The following UBA3 variants were observed in gnomAD, a reference collection of about 807,000 sequenced individuals.
The protein encoded by UBA3 is NEDD8-activating enzyme E1 catalytic subunit.
Under a neutral mutation model 73.5 loss-of-function variants are expected in UBA3, and 26 were observed. The ratio of observed to expected loss-of-function variants is 0.35; its 90% CI spans 0.26 to 0.49. UBA3 has a LOEUF of 0.49. UBA3 is among the 20% of genes least tolerant of loss of function. The pLI is 0.98. For missense variants in UBA3, 495 were observed against 555.6 expected (o/e 0.89, Z 1.10); for synonymous variants, 217 against 191.2 (o/e 1.13, Z -1.11).
At chr3:69,078,229 G>C (rs1271493694) in intron 2 of UBA3, among the ~76,000 whole-genome samples, 1 of 152,074 alleles carries the variant, frequency 6.6e-6, no homozygotes, top group East Asian at 1.9e-4. Context: ...GTGAGAAATT[G>C]ACTTCTCTAC....
intron 6 of UBA3, among the ~76,000 whole-genome samples, chr3:69,065,900 G>T (rs1038502234): frequency 1.3e-5 from 2 of 150,606 alleles, no homozygotes; most frequent in Non-Finnish European, 3.0e-5. Flanking sequence ...TGTGCTTTTC[G>T]TCATCCTTTT....
At chr3:69,063,565 A>G in intron 7 of UBA3, 62 bp from the exon 8 acceptor site, 2 of 1,324,628 alleles carry the variant, frequency 1.5e-6, no homozygotes, top group Admixed American at 5.4e-5. Flanking sequence ...TGATCTTTCA[A>G]TGTAGATTCA....
At chr3:69,077,115 T>A (rs571074699) in intron 3 of UBA3, among the ~76,000 whole-genome samples, 14 of 151,888 alleles carry the variant, frequency 9.2e-5, no homozygotes, top group African/African-American at 2.6e-4. Context: ...TTCTTTTTTT[T>A]TTTTTTATTT....
At chr3:69,060,299 A>C (rs2092011215) in intron 11 of UBA3, among the ~76,000 whole-genome samples, 1 of 152,144 alleles carries the variant, frequency 6.6e-6, no homozygotes, top group South Asian at 2.1e-4. Flanking sequence ...ACAAAAAAAA[A>C]AAGACACTCC....
At chr3:69,071,657 T>C (rs760649684) in intron 4 of UBA3, 40 bp from the exon 5 acceptor site, 2 of 1,297,294 alleles carry the variant, frequency 1.5e-6, no homozygotes, top group African/African-American at 1.5e-5. Context: ...AGAAGTTTCC[T>C]CACATTTAAA....
intron 2 of UBA3, among the ~76,000 whole-genome samples, chr3:69,078,299 G>C (rs1274361449): frequency 6.6e-6 from 1 of 152,056 alleles, no homozygotes; most frequent in Non-Finnish European, 1.5e-5. Context: ...CATCACACTT[G>C]CATTAGGAAA....
At chr3:69,057,795 G>A (rs1448636946) in intron 11 of UBA3, among the ~76,000 whole-genome samples, 1 of 151,776 alleles carries the variant, frequency 6.6e-6, no homozygotes, top group African/African-American at 2.4e-5. Flanking sequence ...AATTATTCCT[G>A]TAACAGCTTC....
At chr3:69,080,049 A>G in intron 2 of UBA3, 63 bp downstream of exon 2, 2 of 1,503,170 alleles carry the variant, frequency 1.3e-6, no homozygotes, top group Admixed American at 3.6e-5. Context: ...CTGGTCCCCT[A>G]GGCCTGGGGT....
At chr3:69,065,153 C>G (rs1277210553) in intron 6 of UBA3, among the ~76,000 whole-genome samples, 1 of 152,132 alleles carries the variant, frequency 6.6e-6, no homozygotes, top group African/African-American at 2.4e-5. Flanking sequence ...ACTAAGAAAT[C>G]TAATCTGGAT....
rs539744043 is a variant in UBA3, at chr3:69,061,933, T to TAA, written c.797-8_797-7dup. On this transcript the variant is annotated splice_region_variant and splice_polypyrimidine_tract_variant and intron_variant, in intron 10 of 17. Transcript: ENST00000361055. ...TCCATCTAATGGAACCCCTTCTGTT[T>TAA]AAAAAAAAAAAGGGAGAGAGAGAGA... The TAA allele has an allele frequency of 1.3e-4, 165 of 1,285,150 alleles. No homozygotes were observed. Among genetic ancestry groups the TAA allele is most frequent in the Admixed American group, 3.9e-4 (16 of 41,058 alleles). The allele number at this position is 1,285,150 out of a possible 1,614,324, so 79.6% of individuals were successfully genotyped here. A position where few individuals can be genotyped will look rare whatever the true frequency, so the allele number is the denominator to read the frequency against.
chr3:69,066,469 A>T (rs1462130646), intron 6 of UBA3, among the ~76,000 whole-genome samples: 1 of 150,222 alleles, frequency 6.7e-6, no homozygotes, highest in Non-Finnish European at 1.5e-5. Flanking sequence ...TTTGAGATGG[A>T]GCCTTGCTCT....
intron 12 of UBA3, 126 bp from the exon 13 acceptor site, chr3:69,056,941 A>G (rs1299511718): frequency 2.2e-5 from 23 of 1,059,036 alleles, no homozygotes; most frequent in Non-Finnish European, 3.2e-5. Flanking sequence ...TCCAATTTTT[A>G]AAAACTGAGA....
chr3:69,059,698 G>C (rs1029174664), intron 11 of UBA3, among the ~76,000 whole-genome samples: 1 of 151,988 alleles, frequency 6.6e-6, no homozygotes, highest in African/African-American at 2.4e-5. Flanking sequence ...ATTTTAAAAT[G>C]ACATTACTAG....
intron 4 of UBA3, among the ~76,000 whole-genome samples, chr3:69,073,667 G>T (rs552471597): frequency 1.4e-5 from 2 of 146,084 alleles, no homozygotes; most frequent in Admixed American, 7.0e-5. Flanking sequence ...ACGGAGTCTC[G>T]CTCTGTTGCC....
intron 11 of UBA3, 48 bp downstream of exon 11, chr3:69,061,766 G>C: frequency 1.6e-6 from 2 of 1,264,834 alleles, no homozygotes; most frequent in Non-Finnish European, 2.3e-6. Context: ...AAGCATCCCA[G>C]CCCTAAGTCA....
Position 69,057,288 on chromosome 3 carries a change from G to A in UBA3, c.932C>T (p.Pro311Leu), listed in dbSNP as rs1280775521. 6.2e-7 allele frequency: 1 copy of A among 1,611,088 alleles called. No homozygotes were observed. Among genetic ancestry groups the A allele is most frequent in the East Asian group, 2.2e-5 (1 of 44,682 alleles). ...GACTGCATTTGTGGAAGCTACTGCA[G>A]GAATGATTCTTTTTACTACCCCTGA... ...LTQGVVKRII[P>L]AVASTNAVIA... The change falls in exon 12 of 18, where the codon CCT (proline) becomes CTT (leucine). Residue 311 changes from proline (P) to leucine (L), a missense_variant. Pro to Leu is a moderately conservative substitution (Grantham distance 98). Coordinates refer to ENST00000361055, the MANE Select transcript of UBA3 (RefSeq NM_003968.4).
At position 69,064,081 on chromosome 3, in the gene UBA3, G is replaced by A; in HGVS notation, c.459C>T (p.Asp153=). Residue 153 remains aspartate (D), a synonymous_variant, in exon 7 of 18, where the codon GAC becomes GAT. Coordinates refer to ENST00000361055, the MANE Select transcript of UBA3 (RefSeq NM_003968.4). ...PHFNKIQDFN[D]TFYRQFHIIV... ...TAAAAAACTTACGTCGATAGAAAGT[G>A]TCGTTAAAATCTTGAATCTTGTTGA... 1 of 1,602,492 alleles carries A rather than the reference G, an allele frequency of 6.2e-7. No homozygotes were observed. The highest frequency in any genetic ancestry group is 8.5e-7 in the Non-Finnish European group (1 of 1,175,768).
chr3:69,073,019 G>T (rs947232527), intron 4 of UBA3, among the ~76,000 whole-genome samples: 6 of 151,744 alleles, frequency 4.0e-5, no homozygotes, highest in Non-Finnish European at 1.5e-5. Context: ...GTTGTCTCTT[G>T]TCTAGAGGAC....
chr3:69,073,885 C>T (rs1575846049), intron 4 of UBA3, among the ~76,000 whole-genome samples: 1 of 146,664 alleles, frequency 6.8e-6, no homozygotes, highest in South Asian at 2.2e-4. Flanking sequence ...CCTTGTGATC[C>T]GCCTGCCTCG....
Sources: gnomAD v4.1 joint callset for allele counts (sites outside exome capture counted in the v4.1 genomes callset) on GRCh38, gnomAD v4.1.1 for gene constraint, MANE v1.5 for transcripts, NCBI Gene and HGNC (gene_info 2026-07-23, HGNC 2026-07-21) for gene names.